Variants in CADPS2 observed in about 807,000 individuals in gnomAD.
CADPS2 encodes the protein calcium-dependent secretion activator 2.
In CADPS2, 93 loss-of-function variants were observed where a neutral mutation model predicts 172.5. The ratio of observed to expected loss-of-function variants is 0.54; its 90% confidence interval spans 0.46 to 0.64. The LOEUF is 0.64. CADPS2 is among the 30% of genes least tolerant of loss of function. CADPS2 has a pLI of 0.00. For synonymous variants in CADPS2, 546 were observed against 555.2 expected, an observed-to-expected ratio of 0.98 and a Z score of 0.23; for missense variants, 1,420 against 1,565.9, an observed-to-expected ratio of 0.91 and a Z score of 1.57.
intron 1 of CADPS2, among the ~76,000 whole-genome samples, chr7:122,803,765 C>T (rs551906908): frequency 2.6e-5 from 4 of 152,182 alleles, no homozygotes; most frequent in South Asian, 4.1e-4. Flanking sequence ...AAGCATGATA[C>T]AAGTCAAATG....
chr7:122,840,469 A>AT (rs1810120297), intron 1 of CADPS2, among the ~76,000 whole-genome samples: 1 of 152,076 alleles, frequency 6.6e-6, no homozygotes, highest in South Asian at 2.1e-4. Flanking sequence ...TGAAATCAGA[A>AT]TGTAGACTCA....
chr7:122,626,178 T>G (rs931603967), intron 4 of CADPS2, among the ~76,000 whole-genome samples: 2 of 146,130 alleles, frequency 1.4e-5, no homozygotes, highest in Non-Finnish European at 3.0e-5. Flanking sequence ...TTTAGGAACT[T>G]TTCTTTTTTT....
intron 28 of CADPS2, among the ~76,000 whole-genome samples, chr7:122,340,687 G>C (rs981999545): frequency 1.3e-5 from 2 of 152,116 alleles, no homozygotes; most frequent in Admixed American, 1.3e-4. Flanking sequence ...TGAAACCTGA[G>C]AGAGTGAGCA....
At chr7:122,676,644 T>C in intron 2 of CADPS2, 3 of 1,520,296 alleles carry the variant, frequency 2.0e-6, no homozygotes, top group African/African-American at 1.4e-5. Context: ...TCAAGTACCA[T>C]CTGGAGAGAC....
chr7:122,432,390 G>A (rs537601111), intron 17 of CADPS2, among the ~76,000 whole-genome samples: 5 of 151,914 alleles, frequency 3.3e-5, no homozygotes, highest in Admixed American at 6.5e-5. Flanking sequence ...TTGTAATCCC[G>A]GCACTTTGGG....
At chr7:122,533,798 T>C (rs1353318536) in intron 8 of CADPS2, among the ~76,000 whole-genome samples, 3 of 152,162 alleles carry the variant, frequency 2.0e-5, no homozygotes, top group Admixed American at 2.0e-4. Flanking sequence ...ATGTTGTCTT[T>C]TTGTTTTCAA....
intron 3 of CADPS2, among the ~76,000 whole-genome samples, chr7:122,658,531 A>G (rs1004569393): frequency 1.3e-5 from 2 of 152,256 alleles, no homozygotes; most frequent in Admixed American, 6.5e-5. Flanking sequence ...TGGCACATAT[A>G]CACCATGGAA....
intron 2 of CADPS2, among the ~76,000 whole-genome samples, chr7:122,716,636 A>T (rs2089648097): frequency 6.6e-6 from 1 of 152,136 alleles, no homozygotes. Context: ...TATGTAACAA[A>T]CCTGCACGTT....
At chr7:122,711,029 T>C (rs979226212) in intron 2 of CADPS2, among the ~76,000 whole-genome samples, 5 of 152,158 alleles carry the variant, frequency 3.3e-5, no homozygotes, top group Admixed American at 3.3e-4. Context: ...ATCTATGCTT[T>C]ATACAACTAC....
At chr7:122,572,749 A>G (rs1201639655) in intron 7 of CADPS2, among the ~76,000 whole-genome samples, 1 of 152,168 alleles carries the variant, frequency 6.6e-6, no homozygotes, top group African/African-American at 2.4e-5. Context: ...TATCTTCATT[A>G]TGATAAACTA....
At chr7:122,589,283 G>A (rs2070336542) in intron 6 of CADPS2, among the ~76,000 whole-genome samples, 1 of 151,726 alleles carries the variant, frequency 6.6e-6, no homozygotes. Flanking sequence ...TCTGAAAATT[G>A]GGAATTAAGT....
chr7:122,781,921 G>T (rs539153560), intron 1 of CADPS2, among the ~76,000 whole-genome samples: 2 of 152,056 alleles, frequency 1.3e-5, no homozygotes, highest in South Asian at 2.1e-4. Flanking sequence ...TTTATTTTGG[G>T]TGTCTTGACA....
chr7:122,568,855 A>T (rs895706978), intron 7 of CADPS2, among the ~76,000 whole-genome samples: 2 of 152,126 alleles, frequency 1.3e-5, no homozygotes, highest in Admixed American at 1.3e-4. Flanking sequence ...AAAATTAAAA[A>T]TTTTTGTTCT....
intron 28 of CADPS2, among the ~76,000 whole-genome samples, chr7:122,342,833 G>T (rs960508905): frequency 6.6e-6 from 1 of 152,098 alleles, no homozygotes; most frequent in African/African-American, 2.4e-5. Flanking sequence ...GCAAAAGTTC[G>T]TCATGATGCC....
intron 1 of CADPS2, among the ~76,000 whole-genome samples, chr7:122,761,152 A>G (rs2093366369): frequency 6.6e-6 from 1 of 152,158 alleles, no homozygotes; most frequent in African/African-American, 2.4e-5. Flanking sequence ...AAAACACTGA[A>G]GACTTCTTCT....
At chr7:122,735,967 A>C (rs1014400273) in intron 2 of CADPS2, among the ~76,000 whole-genome samples, 3 of 152,160 alleles carry the variant, frequency 2.0e-5, no homozygotes, top group African/African-American at 7.2e-5. Context: ...AGCTCCTATA[A>C]CTTGTTAAGA....
chr7:122,648,252 C>T (rs2078770487), intron 3 of CADPS2, among the ~76,000 whole-genome samples: 1 of 152,070 alleles, frequency 6.6e-6, no homozygotes, highest in African/African-American at 2.4e-5. Flanking sequence ...CTGTCCTGGG[C>T]TCCTTTTCTC....
intron 2 of CADPS2, among the ~76,000 whole-genome samples, chr7:122,668,194 G>C (rs577381014): frequency 6.6e-6 from 1 of 151,998 alleles, no homozygotes; most frequent in African/African-American, 2.4e-5. Context: ...AATGTGTCTT[G>C]GTAATTTACA....
At chr7:122,567,927 C>T (rs533013889) in intron 7 of CADPS2, among the ~76,000 whole-genome samples, 21 of 152,162 alleles carry the variant, frequency 1.4e-4, no homozygotes, top group Admixed American at 2.6e-4. Context: ...CAGATTTAAG[C>T]TTAACCATAT....
Sources: gnomAD v4.1 joint callset for allele counts (sites outside exome capture counted in the v4.1 genomes callset) on GRCh38, gnomAD v4.1.1 for gene constraint, MANE v1.5 for transcripts, NCBI Gene and HGNC (gene_info 2026-07-23, HGNC 2026-07-21) for gene names.